Variants in KLHL34 observed in about 807,000 individuals in gnomAD.
KLHL34 encodes the protein kelch-like protein 34.
Under a neutral mutation model 23.8 loss-of-function variants are expected in KLHL34, and 24 were observed. That is an observed-to-expected ratio of 1.01 (90% CI 0.73 to 1.42). KLHL34 has a LOEUF of 1.42. Ranked by LOEUF, KLHL34 falls within the 40% of genes most tolerant of loss-of-function variation. The pLI, the probability that KLHL34 is intolerant of heterozygous loss-of-function variation, is 0.00. For synonymous variants in KLHL34, 303 were observed against 287.9 expected (o/e 1.05, Z -0.53); for missense variants, 652 against 595.1 (o/e 1.10, Z -0.99).
rs2092733820 is a variant in KLHL34 at position 21,656,835 on chromosome X, C to T, written c.954G>A (p.Glu318=). ...CCTCCTCCTCTTCCTCCAACTCTTC[C>T]TCTTCTTCCTCGGGCTCTGGGGCGG... ...QVAAPEPEEE[E]EELEEEEEEE... is the part of the protein sequence containing the mutation. The change falls in exon 1 of 1, where the codon GAG becomes GAA. Residue 318 remains glutamate (E), a synonymous_variant. Coordinates refer to ENST00000379499, the MANE Select transcript of KLHL34 (RefSeq NM_153270.3). The T allele has an allele frequency of 8.4e-7, 1 of 1,187,769 alleles. No individual in the cohort carries two copies. Among genetic ancestry groups the T allele is most frequent in the African/African-American group, 1.8e-5 (1 of 57,122 alleles).
Position 21,656,700 on chromosome X carries a change from G to A in KLHL34, c.1089C>T (p.Thr363=). ...CCAGGACAAACAGGAAGTTGCCCGC[G>A]GTGCACACGCTGTGCCCCAGCAGTG... ...PTPLLGHSVC[T]AGNFLFVLGG... is the part of the protein sequence containing the mutation. Residue 363 remains threonine (T), a synonymous_variant, in exon 1 of 1, where the codon ACC becomes ACT. Coordinates refer to ENST00000379499, the MANE Select transcript of KLHL34 (RefSeq NM_153270.3). 5.8e-6 allele frequency: 7 copies of A among 1,209,409 alleles called. No individual in the cohort carries two copies. The highest frequency in any genetic ancestry group is 7.8e-6 in the Non-Finnish European group (7 of 894,582).
Position 21,655,934 on chromosome X carries a change from C to T in KLHL34, c.1855G>A (p.Ala619Thr). The stretch of plus-strand genomic sequence containing the variant: ...CCACCCTCGGCCAGCTGCAGCACTG[C>T]GCACCGCAGGCCGCTCCAGGCCCAG... ...LPWAWSGLRC[A>T]VLQLAEGGDD... is the part of the protein sequence containing the mutation. Residue 619 changes from alanine (A) to threonine (T), a missense_variant, in exon 1 of 1, where the codon GCA becomes ACA. By Grantham distance (58) the Ala-to-Thr change is moderately conservative. Coordinates refer to ENST00000379499, the MANE Select transcript of KLHL34 (RefSeq NM_153270.3). The T allele has an allele frequency of 5.8e-6, 7 of 1,210,997 alleles. No homozygotes were observed. The highest frequency in any genetic ancestry group is 7.8e-6 in the Non-Finnish European group (7 of 895,130).
At position 21,657,657 on chromosome X, in the gene KLHL34, C is replaced by A. The variant is rs774322119; in HGVS notation, c.132G>T (p.Arg44Ser). 8.3e-7 allele frequency: 1 copy of A among 1,206,318 alleles called. No homozygotes were observed. The highest frequency in any genetic ancestry group is 1.8e-5 in the South Asian group (1 of 56,522). The stretch of plus-strand genomic sequence containing the variant: ...AGTCACTGGAGCACGCCAGGAGCGA[C>A]CTGTGCGCCGGGAATTCGCTGCCCT... ...ETEGSEFPAHRSLLACSSDYF... is the reference protein window; with the variant it reads ...ETEGSEFPAHSSLLACSSDYF... Residue 44 changes from arginine (R) to serine (S), a missense_variant, in exon 1 of 1, where the codon AGG (arginine) becomes AGT (serine). Transcript: ENST00000379499.
In KLHL34 at chrX:21,655,442, A is replaced by C. The variant is rs2092730305; in HGVS notation, c.*412T>G. 1 of 118,032 alleles carries C rather than the reference A, an allele frequency of 8.5e-6. No individual in the cohort carries two copies. The highest frequency in any genetic ancestry group is 4.0e-4 in the South Asian group (1 of 2,503). 9.7% of individuals were successfully genotyped at this position (118,032 alleles called of 1,213,427 possible). A position where few individuals can be genotyped will look rare whatever the true frequency, so the allele number is the denominator to read the frequency against. On this transcript the variant is annotated 3_prime_UTR_variant, in exon 1 of 1. Transcript: ENST00000379499. ...GCCAACAATTTTCTGAGTTTTGTATAAACTTCCTGTGGTACATTTTTTGGC... is the reference window on the plus strand; with the variant it reads ...GCCAACAATTTTCTGAGTTTTGTATCAACTTCCTGTGGTACATTTTTTGGC...
Position 21,655,600 on chromosome X carries a change from T to G in KLHL34, c.*254A>C. The G allele has an allele frequency of 3.1e-6, 1 of 325,057 alleles. No homozygotes were observed. The highest frequency in any genetic ancestry group is 5.1e-6 in the Non-Finnish European group (1 of 196,385). The allele number at this position is 325,057 out of a possible 1,213,427, so 26.8% of individuals were successfully genotyped here. Reference sequence around the variant, plus strand: ...TCCTTCTCTAGCCTTGCGTGAGCCTTTCTAAAAATTTTCTTTCACCAGCTC... The same window carrying G: ...TCCTTCTCTAGCCTTGCGTGAGCCTGTCTAAAAATTTTCTTTCACCAGCTC... On this transcript the variant is annotated 3_prime_UTR_variant, in exon 1 of 1. Coordinates refer to ENST00000379499, the MANE Select transcript of KLHL34 (RefSeq NM_153270.3).
In KLHL34 at chrX:21,656,631, G is replaced by C; in HGVS notation, c.1158C>G (p.Asp386Glu). 2 of 1,210,789 alleles carry C rather than the reference G, an allele frequency of 1.7e-6. No homozygotes were observed. Among genetic ancestry groups the C allele is most frequent in the Non-Finnish European group, 2.2e-6 (2 of 895,278 alleles). The stretch of plus-strand genomic sequence containing the variant: ...CTTGGGCCGTGACCACCCGCGAGTC[G>C]TCGGCCAGGGGAGAGGATGCACTGC... Reference protein sequence around the residue: ...PSGSASSPLADDSRVVTAQVH... With the variant: ...PSGSASSPLAEDSRVVTAQVH... The change falls in exon 1 of 1, where the codon GAC becomes GAG. Residue 386 changes from aspartate to glutamate, a missense_variant. Physicochemically the swap from Asp to Glu is conservative, Grantham distance 45. Transcript: ENST00000379499.
In KLHL34 at chrX:21,657,966, C is replaced by T; in HGVS notation, c.-178G>A. The T allele has an allele frequency of 1.5e-6, 1 of 688,845 alleles. No homozygotes were observed. Among genetic ancestry groups the T allele is most frequent in the Non-Finnish European group, 2.1e-6 (1 of 486,276 alleles). 56.8% of individuals were successfully genotyped at this position (688,845 alleles called of 1,213,427 possible). On this transcript the variant is annotated 5_prime_UTR_variant, in exon 1 of 1. Transcript: ENST00000379499. Reference sequence around the variant, plus strand: ...TCCTTCATCCAGACCTGCAGATCGCCCAGTGCCCCTCTCAGAGCAAATCCA... The same window carrying T: ...TCCTTCATCCAGACCTGCAGATCGCTCAGTGCCCCTCTCAGAGCAAATCCA...
Position 21,657,963 on chromosome X carries a change from C to A in KLHL34, c.-175G>T. 1.4e-6 allele frequency: 1 copy of A among 698,585 alleles called. No individual in the cohort carries two copies. Among genetic ancestry groups the A allele is most frequent in the South Asian group, 4.1e-5 (1 of 24,558 alleles). 57.6% of individuals were successfully genotyped at this position (698,585 alleles called of 1,213,427 possible). On this transcript the variant is annotated 5_prime_UTR_variant, in exon 1 of 1. Coordinates refer to ENST00000379499, the MANE Select transcript of KLHL34 (RefSeq NM_153270.3). ...GGCTCCTTCATCCAGACCTGCAGAT[C>A]GCCCAGTGCCCCTCTCAGAGCAAAT...
rs2092733843 is a variant in KLHL34 at position 21,656,848 on chromosome X, G to A, written c.941C>T (p.Pro314Leu). 8.4e-7 allele frequency: 1 copy of A among 1,187,214 alleles called. No individual in the cohort carries two copies. Among genetic ancestry groups the A allele is most frequent in the East Asian group, 3.0e-5 (1 of 33,461 alleles). ...AARGQVAAPEPEEEEEELEEE... is the reference protein window; with the variant it reads ...AARGQVAAPELEEEEEELEEE... ...CTCCAACTCTTCCTCTTCTTCCTCG[G>A]GCTCTGGGGCGGCGACCTGGCCCCT... Residue 314 changes from proline (P) to leucine (L), a missense_variant, in exon 1 of 1, where the codon CCC (proline) becomes CTC (leucine). Physicochemically the swap from Pro to Leu is moderately conservative, Grantham distance 98. Transcript: ENST00000379499.
In KLHL34 at chrX:21,655,816, T is replaced by C. The variant is rs1279949027; in HGVS notation, c.*38A>G. 8.8e-7 allele frequency: 1 copy of C among 1,134,371 alleles called. No individual in the cohort carries two copies. The highest frequency in any genetic ancestry group is 1.2e-6 in the Non-Finnish European group (1 of 857,944). The allele number at this position is 1,134,371 out of a possible 1,213,427, so 93.5% of individuals were successfully genotyped here. A position where few individuals can be genotyped will look rare whatever the true frequency, so the allele number is the denominator to read the frequency against. ...CTCTGTAAGACTAACCAAGCGCGACTTTCTCCTCCATTGCGGAAGGAAACC... is the reference window on the plus strand; with the variant it reads ...CTCTGTAAGACTAACCAAGCGCGACCTTCTCCTCCATTGCGGAAGGAAACC... On this transcript the variant is annotated 3_prime_UTR_variant, in exon 1 of 1. Transcript: ENST00000379499.
rs2092729377 is a variant in KLHL34 at position 21,654,899 on chromosome X, G to A, written c.*955C>T. ...AGCTCGTTTCCCATTTACCTGAGAC[G>A]AAGTTTAAAACTTTACCTATTCCTC... On this transcript the variant is annotated 3_prime_UTR_variant, in exon 1 of 1. Coordinates refer to ENST00000379499, the MANE Select transcript of KLHL34 (RefSeq NM_153270.3). The A allele has an allele frequency of 1.8e-5, 2 of 111,753 alleles. No homozygotes were observed. The highest frequency in any genetic ancestry group is 6.5e-5 in the African/African-American group (2 of 30,669). 9.2% of individuals were successfully genotyped at this position (111,753 alleles called of 1,213,427 possible).
At position 21,657,040 on chromosome X, in the gene KLHL34, C is replaced by T. The variant is rs1255193701; in HGVS notation, c.749G>A (p.Gly250Asp). ...SGLVLPARVKGLIIQALNYHT... is the reference protein window; with the variant it reads ...SGLVLPARVKDLIIQALNYHT... ...GTAGTTGAGGGCCTGGATGATGAGG[C>T]CCTTGACCCGGGCGGGCAGCACGAG... The change falls in exon 1 of 1, where the codon GGC becomes GAC. Residue 250 changes from glycine (G) to aspartate (D), a missense_variant. Coordinates refer to ENST00000379499, the MANE Select transcript of KLHL34 (RefSeq NM_153270.3). 1.7e-6 allele frequency: 2 copies of T among 1,179,221 alleles called. No individual in the cohort carries two copies. The highest frequency in any genetic ancestry group is 2.3e-6 in the Non-Finnish European group (2 of 878,242).
rs752005728 is a variant in KLHL34, at chrX:21,656,484, C to T, written c.1305G>A (p.Ala435=). Residue 435 remains alanine (A), a synonymous_variant, in exon 1 of 1, where the codon GCG becomes GCA. Transcript: ENST00000379499. ...CCACCGAGGCCAGCACCTCACCGCCCGCACCCAGGCCCCCGACGGCCAGGA... is the reference window on the plus strand; with the variant it reads ...CCACCGAGGCCAGCACCTCACCGCCTGCACCCAGGCCCCCGACGGCCAGGA... ...ERLLAVGGLG[A]GGEVLASVEM... 3 of 1,196,966 alleles carry T rather than the reference C, an allele frequency of 2.5e-6. No individual in the cohort carries two copies. The highest frequency in any genetic ancestry group is 1.8e-5 in the South Asian group (1 of 55,421).
chrX:21,655,978 T>A lies in KLHL34; in HGVS notation c.1811A>T (p.Asp604Val), dbSNP rs2092731416. 2 of 1,210,620 alleles carry A rather than the reference T, an allele frequency of 1.7e-6. No homozygotes were observed. The highest frequency in any genetic ancestry group is 2.2e-6 in the Non-Finnish European group (2 of 895,124). The change falls in exon 1 of 1, where the codon GAC becomes GTC. Residue 604 changes from aspartate to valine, a missense_variant. By Grantham distance (152) the Asp-to-Val change is radical (BLOSUM62 -3). Transcript: ENST00000379499. Reference protein sequence around the residue: ...GYDLDLDRWEDIGCALPWAWS... With the variant: ...GYDLDLDRWEVIGCALPWAWS... ...GGCCCAGGGCAACGCGCAGCCGATG[T>A]CCTCCCAACGGTCCAGGTCGAGGTC...
rs977919866 is a variant in KLHL34 at position 21,656,554 on chromosome X, C to G, written c.1235G>C (p.Arg412Pro). The change falls in exon 1 of 1, where the codon CGG (arginine) becomes CCG (proline). Residue 412 changes from arginine to proline, a missense_variant. Arg to Pro is a moderately radical substitution (Grantham distance 103). Transcript: ENST00000379499. ...GCACCAGAAGTGGGCCCGCGCTTCC[C>G]GCATGGCGGGCACTTCCGTCCAAGC... ...FHAWTEVPAMREARAHFWCGA... is the reference protein window; with the variant it reads ...FHAWTEVPAMPEARAHFWCGA... The G allele has an allele frequency of 8.3e-7, 1 of 1,198,887 alleles. No homozygotes were observed. The highest frequency in any genetic ancestry group is 1.1e-6 in the Non-Finnish European group (1 of 890,079).
In KLHL34 at chrX:21,657,327, G is replaced by A; in HGVS notation, c.462C>T (p.Ile154=). The change falls in exon 1 of 1, where the codon ATC becomes ATT. Residue 154 remains isoleucine (I), a synonymous_variant. Coordinates refer to ENST00000379499, the MANE Select transcript of KLHL34 (RefSeq NM_153270.3). ...AHTLDAAERC[I]VSHLQELLAR... is the part of the protein sequence containing the mutation. ...CCAGCAGCTCCTGCAAGTGGCTCAC[G>A]ATGCAGCGCTCGGCCGCGTCCAGCG... is the stretch of plus-strand genomic sequence containing the variant. The A allele has an allele frequency of 8.6e-7, 1 of 1,158,282 alleles. No homozygotes were observed. The highest frequency in any genetic ancestry group is 1.1e-6 in the Non-Finnish European group (1 of 870,345).
rs1371651931 is a variant in KLHL34, at chrX:21,657,632, A to T, written c.157T>A (p.Tyr53Asn). The T allele has an allele frequency of 8.3e-7, 1 of 1,208,722 alleles. No homozygotes were observed. Among genetic ancestry groups the T allele is most frequent in the Admixed American group, 2.2e-5 (1 of 46,092 alleles). The change falls in exon 1 of 1, where the codon TAC becomes AAC. Residue 53 changes from tyrosine to asparagine, a missense_variant. Coordinates refer to ENST00000379499, the MANE Select transcript of KLHL34 (RefSeq NM_153270.3). Reference protein sequence around the residue: ...HRSLLACSSDYFRALFKSHTQ... With the variant: ...HRSLLACSSDNFRALFKSHTQ... ...TGGCTCTTGAACAGGGCCCTGAAGT[A>T]GTCACTGGAGCACGCCAGGAGCGAC...
Position 21,657,321 on chromosome X carries a change from G to A in KLHL34, c.468C>T (p.Ser156=). ...CCCGCGCCAGCAGCTCCTGCAAGTG[G>A]CTCACGATGCAGCGCTCGGCCGCGT... ...TLDAAERCIV[S]HLQELLARGA... is the part of the protein sequence containing the mutation. Residue 156 remains serine, a synonymous_variant, in exon 1 of 1, where the codon AGC becomes AGT. Coordinates refer to ENST00000379499, the MANE Select transcript of KLHL34 (RefSeq NM_153270.3). The A allele has an allele frequency of 8.6e-7, 1 of 1,158,756 alleles. No individual in the cohort carries two copies.
chrX:21,656,227 A>AT lies in KLHL34; in HGVS notation c.1561dup (p.Met521AsnfsTer20). ...AAACACAGCGCCGCGCAGCACTGCC[A>AT]TGTGGTGCCCGAAACGTGCGGTGCC... On this transcript the variant is annotated frameshift_variant, in exon 1 of 1. Transcript: ENST00000379499. LOFTEE classifies it high-confidence loss of function. 1 of 1,194,925 alleles carries AT rather than the reference A, an allele frequency of 8.4e-7. No homozygotes were observed. The highest frequency in any genetic ancestry group is 1.1e-6 in the Non-Finnish European group (1 of 887,172).
Sources: allele counts gnomAD v4.1 joint callset, GRCh38; gene constraint gnomAD v4.1.1; transcripts MANE v1.5; gene names NCBI Gene and HGNC (gene_info 2026-07-23, HGNC 2026-07-21).